The following GRIA2 variants were observed in gnomAD, a reference collection of about 807,000 sequenced individuals.
GRIA2 encodes the protein glutamate receptor 2.
GRIA2 carries 14 observed loss-of-function variants against 97.3 expected under a neutral mutation model. The observed-to-expected ratio is 0.14, with a 90% confidence interval of 0.10 to 0.23. The LOEUF is 0.23. Among genes scored for constraint, GRIA2 ranks in the 10% least tolerant of loss-of-function variants. The pLI, the probability that GRIA2 is intolerant of heterozygous loss-of-function variation, is 1.00. For missense variants in GRIA2, 558 were observed against 1,069.8 expected, an observed-to-expected ratio of 0.52 and a Z score of 6.67; for synonymous variants, 412 against 387.8, an observed-to-expected ratio of 1.06 and a Z score of -0.73.
rs111806395 is a variant in GRIA2 at position 157,321,420 on chromosome 4, A to G, written c.721-18A>G. On this transcript the variant is annotated intron_variant, in intron 5 of 15. Coordinates refer to ENST00000264426, the MANE Select transcript of GRIA2 (RefSeq NM_001083619.3). ...GTTCTCAAACAAAAAGCGTGATATC[A>G]ATGTGTTCTATGTTTAGGGATTTAC... is the stretch of plus-strand genomic sequence containing the variant. 6.3e-7 allele frequency: 1 copy of G among 1,575,968 alleles called. No individual in the cohort carries two copies. The highest frequency in any genetic ancestry group is 8.6e-7 in the Non-Finnish European group (1 of 1,156,306).
intron 2 of GRIA2, among the ~76,000 whole-genome samples, chr4:157,256,246 A>ATGTTATATATT (rs1731261327): frequency 2.4e-5 from 2 of 82,242 alleles, no homozygotes; most frequent in Non-Finnish European, 5.0e-5. Flanking sequence ...ATATATATAT[A>ATGTTATATATT]ATATATAAAT....
At chr4:157,251,221 G>T (rs998062067) in intron 2 of GRIA2, among the ~76,000 whole-genome samples, 2 of 152,062 alleles carry the variant, frequency 1.3e-5, no homozygotes, top group Admixed American at 6.6e-5. Context: ...GAGAATCACA[G>T]AAATGAGAGA....
At chr4:157,360,377 TC>T (rs146736948) in intron 13 of GRIA2, among the ~76,000 whole-genome samples, 1 of 152,250 alleles carries the variant, frequency 6.6e-6, no homozygotes, top group African/African-American at 2.4e-5. Context: ...CTTTTTTTTT[TC>T]CTTTAAGAGT....
chr4:157,257,949 G>A (rs1415650828), intron 2 of GRIA2, among the ~76,000 whole-genome samples: 1 of 151,968 alleles, frequency 6.6e-6, no homozygotes, highest in Non-Finnish European at 1.5e-5. Flanking sequence ...TGTCTTTACT[G>A]CAATCTTTAA....
At chr4:157,358,602 C>A (rs1736496387) in intron 12 of GRIA2, among the ~76,000 whole-genome samples, 1 of 152,072 alleles carries the variant, frequency 6.6e-6, no homozygotes, top group Non-Finnish European at 1.5e-5. Context: ...CTGCATAGAC[C>A]ACTGAGCTGA....
intron 2 of GRIA2, among the ~76,000 whole-genome samples, chr4:157,281,142 A>G (rs1187131133): frequency 1.3e-5 from 2 of 152,104 alleles, no homozygotes; most frequent in Non-Finnish European, 2.9e-5. Flanking sequence ...CAACAATTCA[A>G]TTCAATAATT....
At chr4:157,255,392 A>C (rs552720565) in intron 2 of GRIA2, among the ~76,000 whole-genome samples, 1 of 152,116 alleles carries the variant, frequency 6.6e-6, no homozygotes, top group Non-Finnish European at 1.5e-5. Context: ...TTTTTAATAT[A>C]ATAATTTATT....
chr4:157,250,847 C>T (rs946681573), intron 2 of GRIA2, among the ~76,000 whole-genome samples: 4 of 152,104 alleles, frequency 2.6e-5, no homozygotes, highest in African/African-American at 9.7e-5. Flanking sequence ...TCACATACTT[C>T]ATGATCCCAG....
At chr4:157,240,862 C>G (rs1415147511) in intron 2 of GRIA2, among the ~76,000 whole-genome samples, 1 of 151,444 alleles carries the variant, frequency 6.6e-6, no homozygotes, top group African/African-American at 2.4e-5. Flanking sequence ...CTCCCCTCTC[C>G]CCCCACCCCA....
intron 11 of GRIA2, among the ~76,000 whole-genome samples, chr4:157,339,814 A>C: frequency 6.6e-6 from 1 of 151,978 alleles, no homozygotes; most frequent in African/African-American, 2.4e-5. Flanking sequence ...TTGGATAAAT[A>C]GTGAACATTT....
chr4:157,275,584 T>TA (rs1732260701), intron 2 of GRIA2, among the ~76,000 whole-genome samples: 2 of 152,186 alleles, frequency 1.3e-5, no homozygotes, highest in Non-Finnish European at 2.9e-5. Flanking sequence ...GCTTTTTACA[T>TA]ATGGCTAGTC....
At chr4:157,258,069 C>A (rs924017621) in intron 2 of GRIA2, among the ~76,000 whole-genome samples, 7 of 152,060 alleles carry the variant, frequency 4.6e-5, no homozygotes, top group African/African-American at 1.4e-4. Flanking sequence ...TCTTCCTAAG[C>A]TGAGGATGTA....
At chr4:157,295,268 A>T (rs1311530637) in intron 2 of GRIA2, among the ~76,000 whole-genome samples, 2 of 152,142 alleles carry the variant, frequency 1.3e-5, no homozygotes, top group Non-Finnish European at 1.5e-5. Context: ...TTACAGCCTC[A>T]TTGTCTTCTA....
intron 2 of GRIA2, among the ~76,000 whole-genome samples, chr4:157,264,683 A>G (rs1425452041): frequency 6.6e-6 from 1 of 152,124 alleles, no homozygotes; most frequent in Non-Finnish European, 1.5e-5. Context: ...ATAAAAGAAA[A>G]GGAAATAAGA....
intron 2 of GRIA2, among the ~76,000 whole-genome samples, chr4:157,299,903 G>A (rs928242167): frequency 6.6e-6 from 1 of 152,122 alleles, no homozygotes; most frequent in African/African-American, 2.4e-5. Context: ...GACTATCATT[G>A]AGAAACTTAT....
intron 12 of GRIA2, among the ~76,000 whole-genome samples, chr4:157,356,530 A>C (rs79712015): frequency 0.064 from 9,683 of 152,066 alleles, 338 homozygotes; most frequent in Middle Eastern, 0.14. Flanking sequence ...GGTGGTGATC[A>C]TCATTGCCTG....
chr4:157,358,910 C>T (rs1200569895), intron 12 of GRIA2, among the ~76,000 whole-genome samples: 3 of 152,032 alleles, frequency 2.0e-5, no homozygotes, highest in African/African-American at 7.2e-5. Context: ...CAAACAAACC[C>T]CCCCCAAACC....
rs1274417827 is a variant in GRIA2, at chr4:157,247,233, A to AG, written c.229+25426_229+25427insG. ...CAAAACTCAGATTCATCATCTCCCA[A>AG]CATATTGCAAAGATACTAGGAGAAC... is the stretch of plus-strand genomic sequence containing the variant. On this transcript the variant is annotated intron_variant, in intron 2 of 15. Transcript: ENST00000264426. 2.0e-5 allele frequency among the ~76,000 whole-genome samples: 3 copies of AG among 152,170 alleles called. No individual in the cohort carries two copies. In the East Asian group the frequency reaches 5.8e-4, roughly 29 times the overall value.
chr4:157,302,002 G>A (rs896326480), intron 2 of GRIA2, among the ~76,000 whole-genome samples: 2 of 151,752 alleles, frequency 1.3e-5, no homozygotes, highest in Non-Finnish European at 2.9e-5. Flanking sequence ...GTGAAACCCC[G>A]TCTCTACTAA....
Sources: allele counts gnomAD v4.1 joint callset (sites outside exome capture counted in the v4.1 genomes callset), GRCh38; gene constraint gnomAD v4.1.1; transcripts MANE v1.5; gene names NCBI Gene and HGNC (gene_info 2026-07-23, HGNC 2026-07-21).